Variants in DZIP1 observed in about 807,000 individuals in gnomAD.
The protein encoded by DZIP1 is cilium assembly protein DZIP1.
A neutral mutation model predicts 107.6 loss-of-function variants in DZIP1; 97 were observed. The ratio of observed to expected loss-of-function variants is 0.90; its 90% confidence interval spans 0.77 to 1.07. DZIP1 has a LOEUF of 1.07. DZIP1 is among the 50% of genes least tolerant of loss of function. The pLI, the probability that DZIP1 is intolerant of heterozygous loss-of-function variation, is 0.00. For missense variants in DZIP1, 1,035 were observed against 1,063.6 expected (o/e 0.97, Z 0.37); for synonymous variants, 390 against 386.4 (o/e 1.01, Z -0.11).
Position 95,642,207 on chromosome 13 carries a change from G to A in DZIP1, c.-178C>T. 2 of 765,272 alleles carry A rather than the reference G, an allele frequency of 2.6e-6. No individual in the cohort carries two copies. The highest frequency in any genetic ancestry group is 3.9e-6 in the Non-Finnish European group (2 of 513,336). The allele number at this position is 765,272 out of a possible 1,614,324, so 47.4% of individuals were successfully genotyped here. A position where few individuals can be genotyped will look rare whatever the true frequency, so the allele number is the denominator to read the frequency against. On this transcript the variant is annotated 5_prime_UTR_variant, in exon 4 of 23. The change creates a new upstream start codon in the 5' untranslated region. Coordinates refer to ENST00000376829, the MANE Select transcript of DZIP1 (RefSeq NM_198968.4). ...GGTCCGGACCTGGAGCAAAGGGCGCGTCTGCCCGCGCAGGGTCAGCGTGCA... is the reference window on the plus strand; with the variant it reads ...GGTCCGGACCTGGAGCAAAGGGCGCATCTGCCCGCGCAGGGTCAGCGTGCA...
chr13:95,611,937 C>T (rs2045020971), intron 11 of DZIP1, 100 bp downstream of exon 11: 6 of 1,406,116 alleles, frequency 4.3e-6, no homozygotes, highest in Non-Finnish European at 1.9e-6. Flanking sequence ...CCATCTTCCT[C>T]ACCTTATACC....
At chr13:95,640,181 C>T (rs932942732) in intron 5 of DZIP1, among the ~76,000 whole-genome samples, 13 of 151,886 alleles carry the variant, frequency 8.6e-5, no homozygotes, top group Middle Eastern at 3.2e-3. Context: ...TTAGTAGACA[C>T]GGGGTTTCAC....
chr13:95,609,943 G>T (rs1387627534), intron 12 of DZIP1, among the ~76,000 whole-genome samples: 1 of 152,144 alleles, frequency 6.6e-6, no homozygotes. Flanking sequence ...GAATCACTGG[G>T]AAGAAAACTA....
intron 1 of DZIP1, among the ~76,000 whole-genome samples, chr13:95,644,084 C>T (rs2139535270): frequency 6.6e-6 from 1 of 152,324 alleles, no homozygotes; most frequent in East Asian, 1.9e-4. Flanking sequence ...TTCCCTCCCT[C>T]CCCCATCCCG....
chr13:95,587,458 A>T, intron 20 of DZIP1, 81 bp downstream of exon 20: 2 of 1,537,866 alleles, frequency 1.3e-6, no homozygotes, highest in South Asian at 2.5e-5. Context: ...CCCAGCTCAG[A>T]CTCCCAGTGC....
chr13:95,620,613 C>G (rs530484981), intron 9 of DZIP1, among the ~76,000 whole-genome samples: 2 of 152,096 alleles, frequency 1.3e-5, no homozygotes, highest in East Asian at 3.9e-4. Flanking sequence ...TGTGTCATTC[C>G]ACAACTGTAT....
intron 12 of DZIP1, 149 bp from the exon 13 acceptor site, chr13:95,609,662 C>G: frequency 2.2e-6 from 1 of 455,046 alleles, no homozygotes; most frequent in East Asian, 3.6e-5. Context: ...ATATGTGTAA[C>G]ATACATCTTT....
rs781653039 is a variant in DZIP1, at chr13:95,589,153, C to A, written c.2027+1G>T. The A allele has an allele frequency of 6.2e-7, 1 of 1,605,354 alleles. No homozygotes were observed. The highest frequency in any genetic ancestry group is 8.5e-7 in the Non-Finnish European group (1 of 1,176,714). On this transcript the variant is annotated splice_donor_variant, in intron 19 of 22. Coordinates refer to ENST00000376829, the MANE Select transcript of DZIP1 (RefSeq NM_198968.4). LOFTEE classifies it high-confidence loss of function. ...ACCCTCCCATCCCTGTCAATACTCA[C>A]GTAATAGTTGAAGACTTTCTGGGAA...
intron 14 of DZIP1, among the ~76,000 whole-genome samples, chr13:95,601,249 C>G (rs1197579578): frequency 2.6e-5 from 4 of 152,050 alleles, no homozygotes; most frequent in African/African-American, 9.7e-5. Flanking sequence ...TGGCCAAACC[C>G]CAGCTCCCAA....
At chr13:95,632,557 C>T (rs931681786) in intron 6 of DZIP1, among the ~76,000 whole-genome samples, 2 of 152,126 alleles carry the variant, frequency 1.3e-5, no homozygotes, top group African/African-American at 4.8e-5. Flanking sequence ...ACTGTCGCCC[C>T]AACAGTAGTC....
chr13:95,636,343 GACC>G (rs1877815228), intron 5 of DZIP1, among the ~76,000 whole-genome samples: 1 of 152,056 alleles, frequency 6.6e-6, no homozygotes, highest in Non-Finnish European at 1.5e-5. Context: ...AGGAGTTTGA[GACC>G]AGCCTGGCCA....
At chr13:95,611,144 T>C (rs1008879396) in intron 12 of DZIP1, among the ~76,000 whole-genome samples, 2 of 152,172 alleles carry the variant, frequency 1.3e-5, no homozygotes, top group African/African-American at 4.8e-5. Flanking sequence ...CATAACTCTG[T>C]TTTACAGTGT....
intron 12 of DZIP1, among the ~76,000 whole-genome samples, chr13:95,611,138 ACT>A (rs1334719817): frequency 6.6e-6 from 1 of 152,054 alleles, no homozygotes; most frequent in African/African-American, 2.4e-5. Context: ...TACATGCATA[ACT>A]CTGTTTTACA....
Position 95,641,817 on chromosome 13 carries a change from G to A in DZIP1, c.75C>T (p.Gly25=). 3 of 1,474,922 alleles carry A rather than the reference G, an allele frequency of 2.0e-6. No individual in the cohort carries two copies. The highest frequency in any genetic ancestry group is 1.4e-5 in the South Asian group (1 of 72,192). The allele number at this position is 1,474,922 out of a possible 1,614,324, so 91.4% of individuals were successfully genotyped here. The part of the protein sequence containing the change: ...QKHVYYPLAS[G]PEGPDVAVAA... ...CCACAGCGACGTCGGGCCCCTCTGG[G>A]CCGCTGGCGAGCGGGTAGTAGACAT... is the stretch of plus-strand genomic sequence containing the variant. The change falls in exon 5 of 23, where the codon GGC becomes GGT. Residue 25 remains glycine, a synonymous_variant. Transcript: ENST00000376829. This position sits in a 1 kb window ranked among gnomAD's most constrained non-coding sequence, Gnocchi z 4.3.
chr13:95,588,505 C>T (rs755496336), intron 19 of DZIP1, among the ~76,000 whole-genome samples: 4 of 152,094 alleles, frequency 2.6e-5, no homozygotes, highest in African/African-American at 9.7e-5. Flanking sequence ...TATTGAGTAC[C>T]CACAAGTGCC....
rs1276566905 is a variant in DZIP1 at position 95,606,072 on chromosome 13, A to C, written c.1421-13T>G. ...GCTGGGGCATTCACTGAAACAGCAT[A>C]AAAAGGAAAAACTCAGAGGTTCCAT... On this transcript the variant is annotated splice_polypyrimidine_tract_variant and intron_variant, in intron 13 of 22. Transcript: ENST00000376829. The C allele has an allele frequency of 2.8e-5, 45 of 1,612,694 alleles. No individual in the cohort carries two copies. The highest frequency in any genetic ancestry group is 3.8e-5 in the Non-Finnish European group (45 of 1,179,484).
chr13:95,612,234 T>C, intron 10 of DZIP1, 57 bp from the exon 11 acceptor site: 1 of 1,570,968 alleles, frequency 6.4e-7, no homozygotes, highest in Non-Finnish European at 8.6e-7. Flanking sequence ...ATGTCTTCAT[T>C]CTCCAGATTT....
Position 95,642,093 on chromosome 13 carries a change from T to C in DZIP1, c.-64A>G. The stretch of plus-strand genomic sequence containing the variant: ...TCCCGGGCCGCCGCCGCCACAGCCC[T>C]CAGGAGCGGGAGAAGGCCGGGTTCC... On this transcript the variant is annotated 5_prime_UTR_variant, in exon 4 of 23. Transcript: ENST00000376829. 6.9e-7 allele frequency: 1 copy of C among 1,452,806 alleles called. No homozygotes were observed. The allele number at this position is 1,452,806 out of a possible 1,614,324, so 90.0% of individuals were successfully genotyped here.
intron 13 of DZIP1, among the ~76,000 whole-genome samples, chr13:95,608,704 G>A (rs2044869506): frequency 6.6e-6 from 1 of 152,118 alleles, no homozygotes; most frequent in African/African-American, 2.4e-5. Flanking sequence ...AAGACTGAGA[G>A]GTTAAAACCA....
Sources: gnomAD v4.1 joint callset for allele counts (sites outside exome capture counted in the v4.1 genomes callset) on GRCh38, gnomAD v4.1.1 for gene constraint, Gnocchi (gnomAD v3.1) non-coding constraint, MANE v1.5 for transcripts, NCBI Gene and HGNC (gene_info 2026-07-23, HGNC 2026-07-21) for gene names.